KCNAB1: variants seen among roughly 807,000 people sequenced by gnomAD.
KCNAB1 encodes the protein voltage-gated potassium channel subunit beta-1.
A neutral mutation model predicts 64.6 loss-of-function variants in KCNAB1; 35 were observed. The ratio of observed to expected loss-of-function variants is 0.54; its 90% confidence interval spans 0.41 to 0.72. The LOEUF is 0.72. Among genes scored for constraint, KCNAB1 ranks in the 30% least tolerant of loss-of-function variants. KCNAB1 has a pLI of 0.00. For synonymous variants in KCNAB1, 177 were observed against 183.8 expected, an observed-to-expected ratio of 0.96 and a Z score of 0.30; for missense variants, 401 against 512.9, an observed-to-expected ratio of 0.78 and a Z score of 2.11.
intron 1 of KCNAB1, among the ~76,000 whole-genome samples, chr3:156,297,328 T>G (rs947674049): frequency 1.3e-5 from 2 of 148,228 alleles, no homozygotes; most frequent in Admixed American, 1.4e-4. Flanking sequence ...AAGAATCTTG[T>G]AGTGGTGAAA....
intron 1 of KCNAB1, among the ~76,000 whole-genome samples, chr3:156,303,561 C>A (rs1216791372): frequency 6.6e-6 from 1 of 152,038 alleles, no homozygotes; most frequent in Non-Finnish European, 1.5e-5. Context: ...GTCTGGGAAG[C>A]AAAGCATGGG....
chr3:156,537,251 A>G lies in KCNAB1; in HGVS notation c.*504A>G. 5.1e-6 allele frequency: 2 copies of G among 390,120 alleles called. No homozygotes were observed. The highest frequency in any genetic ancestry group is 9.0e-6 in the Non-Finnish European group (2 of 221,758). 24.2% of individuals were successfully genotyped at this position (390,120 alleles called of 1,614,324 possible). ...AATATATCTCACTGCAAAAAAAAAA[A>G]AGCAGTATCTTCACTCAAAAGTCTT... On this transcript the variant is annotated 3_prime_UTR_variant, in exon 14 of 14. Coordinates refer to ENST00000490337, the MANE Select transcript of KCNAB1 (RefSeq NM_172160.3).
chr3:156,397,166 T>C (rs939559775), intron 1 of KCNAB1, among the ~76,000 whole-genome samples: 1 of 152,198 alleles, frequency 6.6e-6, no homozygotes, highest in African/African-American at 2.4e-5. Context: ...AAGGCAGAGT[T>C]ATGTAAAATC....
chr3:156,233,827 A>T (rs557153080), intron 1 of KCNAB1, among the ~76,000 whole-genome samples: 3 of 152,198 alleles, frequency 2.0e-5, no homozygotes, highest in Admixed American at 6.5e-5. Flanking sequence ...GGATGGCTGC[A>T]GCGTTTGGAA....
intron 8 of KCNAB1, among the ~76,000 whole-genome samples, chr3:156,486,675 G>C (rs976315217): frequency 1.3e-5 from 2 of 151,966 alleles, no homozygotes; most frequent in African/African-American, 4.9e-5. Context: ...GGGTCTTCTT[G>C]AGTCCTGCCC....
At chr3:156,392,857 T>A (rs1451813447) in intron 1 of KCNAB1, among the ~76,000 whole-genome samples, 1 of 152,246 alleles carries the variant, frequency 6.6e-6, no homozygotes, top group Non-Finnish European at 1.5e-5. Context: ...CTTAATTTGC[T>A]AATATTTTGC....
chr3:156,343,443 G>GAAGTATAC (rs1724271099), intron 1 of KCNAB1, among the ~76,000 whole-genome samples: 1 of 152,178 alleles, frequency 6.6e-6, no homozygotes, highest in Non-Finnish European at 1.5e-5. Context: ...ATGGTTCCAT[G>GAAGTATAC]AAGTATACTC....
At chr3:156,260,960 A>C (rs1424972348) in intron 1 of KCNAB1, among the ~76,000 whole-genome samples, 2 of 152,138 alleles carry the variant, frequency 1.3e-5, no homozygotes, top group Non-Finnish European at 2.9e-5. Flanking sequence ...GAGGTGTCTC[A>C]TTGTGGTTTT....
At chr3:156,478,283 G>A (rs982555504) in intron 8 of KCNAB1, among the ~76,000 whole-genome samples, 4 of 151,968 alleles carry the variant, frequency 2.6e-5, no homozygotes, top group African/African-American at 7.3e-5. Context: ...CACAACAGTG[G>A]TTGCCAAGTA....
chr3:156,439,553 G>A (rs1364871067), intron 2 of KCNAB1, among the ~76,000 whole-genome samples: 9 of 152,128 alleles, frequency 5.9e-5, no homozygotes, highest in Admixed American at 1.3e-4. Flanking sequence ...ACACTATCAC[G>A]AAGTGTGCAC....
chr3:156,527,494 TA>T (rs1559931729), intron 12 of KCNAB1, among the ~76,000 whole-genome samples: 2 of 152,142 alleles, frequency 1.3e-5, no homozygotes, highest in Non-Finnish European at 2.9e-5. Flanking sequence ...GGTTTTTAGA[TA>T]GTAACATGAA....
At chr3:156,239,943 G>C (rs1484197501) in intron 1 of KCNAB1, among the ~76,000 whole-genome samples, 4 of 151,986 alleles carry the variant, frequency 2.6e-5, no homozygotes, top group Admixed American at 1.3e-4. Context: ...ACAAGCTAGA[G>C]ATACTTTTAA....
chr3:156,452,520 G>T lies in KCNAB1; in HGVS notation c.320-379G>T, dbSNP rs376018228. On this transcript the variant is annotated intron_variant, in intron 2 of 13. Coordinates refer to ENST00000490337, the MANE Select transcript of KCNAB1 (RefSeq NM_172160.3). This position sits in a 1 kb window ranked among gnomAD's most constrained non-coding sequence, Gnocchi z 4.6. ...GGGGAGAACTATAACCATAACCCAA[G>T]GTCTTACCTTCACTTTCAGAACATG... 4.6e-5 allele frequency among the ~76,000 whole-genome samples: 7 copies of T among 152,294 alleles called. No homozygotes were observed. Among genetic ancestry groups the T allele is most frequent in the African/African-American group, 1.7e-4 (7 of 41,556 alleles).
intron 1 of KCNAB1, among the ~76,000 whole-genome samples, chr3:156,351,009 G>C (rs894992403): frequency 3.9e-5 from 6 of 152,238 alleles, no homozygotes; most frequent in African/African-American, 1.4e-4. Flanking sequence ...GGGACGTAGT[G>C]AACGGAAGGA....
At chr3:156,432,880 A>C (rs1181839399) in intron 2 of KCNAB1, among the ~76,000 whole-genome samples, 2 of 152,080 alleles carry the variant, frequency 1.3e-5, no homozygotes, top group Non-Finnish European at 2.9e-5. Flanking sequence ...TAACCCCACC[A>C]TTCTCAGGGC....
rs201635897 is a variant in KCNAB1, at chr3:156,457,438, T to C, written c.358-15T>C. The C allele has an allele frequency of 1.3e-5, 21 of 1,613,514 alleles. No individual in the cohort carries two copies. The Admixed American group carries it at 2.8e-4, about 22-fold the overall frequency. On this transcript the variant is annotated splice_polypyrimidine_tract_variant and intron_variant, in intron 3 of 13. Coordinates refer to ENST00000490337, the MANE Select transcript of KCNAB1 (RefSeq NM_172160.3). Reference sequence around the variant, plus strand: ...GCATTTGGCTTTTCTGAGTGACCTTTCTCTCCCCTTGCAGGTTGCTGAACG... The same window carrying C: ...GCATTTGGCTTTTCTGAGTGACCTTCCTCTCCCCTTGCAGGTTGCTGAACG...
At chr3:156,274,506 A>G (rs781722520) in intron 1 of KCNAB1, among the ~76,000 whole-genome samples, 3 of 149,760 alleles carry the variant, frequency 2.0e-5, no homozygotes, top group Non-Finnish European at 4.5e-5. Context: ...ATAAGGTAAG[A>G]ACTTTTTTTT....
At chr3:156,519,571 A>G (rs1717795887) in intron 11 of KCNAB1, among the ~76,000 whole-genome samples, 1 of 152,208 alleles carries the variant, frequency 6.6e-6, no homozygotes, top group Non-Finnish European at 1.5e-5. Context: ...AGGGTCTTCT[A>G]ATTCTCTGGT....
At chr3:156,533,004 A>G (rs1178788645) in intron 13 of KCNAB1, among the ~76,000 whole-genome samples, 3 of 152,210 alleles carry the variant, frequency 2.0e-5, no homozygotes, top group Non-Finnish European at 2.9e-5. Flanking sequence ...ACAGTGAATT[A>G]AAATATCTAT....
Sources: gnomAD v4.1 joint callset for allele counts (sites outside exome capture counted in the v4.1 genomes callset) on GRCh38, gnomAD v4.1.1 for gene constraint, Gnocchi (gnomAD v3.1) non-coding constraint, MANE v1.5 for transcripts, NCBI Gene and HGNC (gene_info 2026-07-23, HGNC 2026-07-21) for gene names.